CCDC6: variants seen among roughly 807,000 people sequenced by gnomAD.
CCDC6 encodes the protein coiled-coil domain-containing protein 6.
CCDC6 carries 20 observed loss-of-function variants against 56.6 expected under a neutral mutation model. That is an observed-to-expected ratio of 0.35 (90% CI 0.25 to 0.51). The LOEUF (loss-of-function observed/expected upper bound fraction) is 0.51. Ranked by LOEUF, CCDC6 falls within the 20% of genes least tolerant of loss-of-function variation. The pLI is 0.95. For missense variants in CCDC6, 367 were observed against 601.1 expected, an observed-to-expected ratio of 0.61 and a Z score of 4.07; for synonymous variants, 241 against 234.4, an observed-to-expected ratio of 1.03 and a Z score of -0.26.
intron 5 of CCDC6, among the ~76,000 whole-genome samples, chr10:59,809,558 C>T (rs2070655813): frequency 6.6e-6 from 1 of 152,138 alleles, no homozygotes; most frequent in Admixed American, 6.5e-5. Context: ...CTGCCCCCTG[C>T]TGGCACACAG....
At chr10:59,883,445 C>G (rs545442277) in intron 1 of CCDC6, among the ~76,000 whole-genome samples, 26 of 152,314 alleles carry the variant, frequency 1.7e-4, no homozygotes, top group African/African-American at 5.8e-4. Flanking sequence ...ATACAAGAAG[C>G]AATGCTAATA....
chr10:59,846,907 G>A (rs916506501), intron 2 of CCDC6, among the ~76,000 whole-genome samples: 1 of 152,210 alleles, frequency 6.6e-6, no homozygotes, highest in African/African-American at 2.4e-5. Flanking sequence ...AGAGCAGAAA[G>A]CCAAGTTGAT....
At chr10:59,803,800 G>A (rs996705292) in intron 7 of CCDC6, among the ~76,000 whole-genome samples, 17 of 152,340 alleles carry the variant, frequency 1.1e-4, no homozygotes, top group African/African-American at 3.6e-4. Context: ...ACAGAAGTTC[G>A]TTCCCTCTTC....
At chr10:59,875,647 T>C (rs2071272926) in intron 1 of CCDC6, among the ~76,000 whole-genome samples, 1 of 152,214 alleles carries the variant, frequency 6.6e-6, no homozygotes, top group South Asian at 2.1e-4. Flanking sequence ...AATTCTCTAG[T>C]TACAACATGG....
intron 1 of CCDC6, among the ~76,000 whole-genome samples, chr10:59,857,363 G>A (rs1256668045): frequency 1.3e-5 from 2 of 152,192 alleles, no homozygotes; most frequent in Non-Finnish European, 2.9e-5. Flanking sequence ...ACCATGAACT[G>A]AGCACAAATT....
chr10:59,795,471 TTTATTA>T (rs59205170), intron 7 of CCDC6, among the ~76,000 whole-genome samples: 13 of 150,498 alleles, frequency 8.6e-5, no homozygotes, highest in South Asian at 4.2e-4. Context: ...CTTATTCATT[TTTATTA>T]TTATTATTAT....
chr10:59,843,035 G>A (rs577727874), intron 2 of CCDC6, among the ~76,000 whole-genome samples: 5 of 151,768 alleles, frequency 3.3e-5, no homozygotes, highest in Non-Finnish European at 7.4e-5. Context: ...TTACAAGCGT[G>A]AGCCACCACA....
At chr10:59,830,681 G>A (rs192114384) in intron 3 of CCDC6, among the ~76,000 whole-genome samples, 2 of 152,230 alleles carry the variant, frequency 1.3e-5, no homozygotes, top group African/African-American at 2.4e-5. Flanking sequence ...GAGAATATAC[G>A]CTTCAGACTT....
chr10:59,852,815 A>C, intron 1 of CCDC6, 113 bp from the exon 2 acceptor site: 1 of 822,652 alleles, frequency 1.2e-6, no homozygotes, highest in Admixed American at 3.7e-5. Flanking sequence ...TTTTAAATAG[A>C]GCTCTATTTT....
At position 59,873,053 on chromosome 10, in the gene CCDC6, CT is replaced by C. The variant is rs146417180; in HGVS notation, c.304-20352del. Among the ~76,000 whole-genome samples, 752 of 152,234 alleles carry C rather than the reference CT, an allele frequency of 4.9e-3. 8 individuals are homozygous for C. The highest frequency in any genetic ancestry group is 0.036 in the South Asian group (172 of 4,810). ...AGCTTTATCATCAAACTTAGCATGC[CT>C]GTTCACATGTTTTGCTGAGGTGGTT... On this transcript the variant is annotated intron_variant, in intron 1 of 8. Transcript: ENST00000263102.
intron 3 of CCDC6, among the ~76,000 whole-genome samples, chr10:59,820,629 T>G (rs963375720): frequency 3.3e-5 from 5 of 152,040 alleles, no homozygotes; most frequent in African/African-American, 4.8e-5. Flanking sequence ...GTGCTTCCAG[T>G]CCCAGCTACT....
At chr10:59,814,097 A>C (rs763454903) in intron 4 of CCDC6, among the ~76,000 whole-genome samples, 1 of 152,218 alleles carries the variant, frequency 6.6e-6, no homozygotes, top group Non-Finnish European at 1.5e-5. Context: ...ACTATCTTGC[A>C]CAAAGAGGTT....
intron 3 of CCDC6, among the ~76,000 whole-genome samples, chr10:59,827,196 A>G (rs552856727): frequency 6.6e-5 from 10 of 152,214 alleles, no homozygotes; most frequent in Non-Finnish European, 1.5e-4. Context: ...GGCAAGGCAG[A>G]GCACTTTTTT....
intron 2 of CCDC6, among the ~76,000 whole-genome samples, chr10:59,834,752 A>G (rs1433073277): frequency 2.0e-5 from 3 of 152,294 alleles, no homozygotes; most frequent in African/African-American, 4.8e-5. Flanking sequence ...TGACAAGTCT[A>G]TATTTAGCTA....
intron 3 of CCDC6, among the ~76,000 whole-genome samples, chr10:59,820,830 T>C (rs1392945189): frequency 6.6e-6 from 1 of 151,122 alleles, no homozygotes; most frequent in South Asian, 2.1e-4. Flanking sequence ...AACAGCCACA[T>C]TAACCAAACT....
chr10:59,905,056 A>C (rs2071532457), intron 1 of CCDC6, among the ~76,000 whole-genome samples: 1 of 152,194 alleles, frequency 6.6e-6, no homozygotes. Context: ...TGATTTCTTG[A>C]CATCATCTTC....
chr10:59,902,846 C>T (rs565557854), intron 1 of CCDC6, among the ~76,000 whole-genome samples: 5 of 152,224 alleles, frequency 3.3e-5, no homozygotes, highest in African/African-American at 1.2e-4. Context: ...CCCAAATGAA[C>T]TGATATCTTT....
chr10:59,816,643 G>C (rs1177188100), intron 3 of CCDC6, among the ~76,000 whole-genome samples: 1 of 152,142 alleles, frequency 6.6e-6, no homozygotes, highest in East Asian at 1.9e-4. Context: ...TGTAAATCTA[G>C]GTAAACCATT....
Position 59,906,259 on chromosome 10 carries a change from G to A in CCDC6, c.166C>T (p.Leu56=), listed in dbSNP as rs1349073489. ...SGGIVISPFR[L]EELTNRLASL... ...GCCAGGCGGTTGGTGAGCTCCTCCA[G>A]GCGGAACGGCGAGATGACAATGCCC... Residue 56 remains leucine (L), a synonymous_variant, in exon 1 of 9, where the codon CTG becomes TTG. Transcript: ENST00000263102. The A allele has an allele frequency of 6.2e-7, 1 of 1,612,714 alleles. No individual in the cohort carries two copies. Among genetic ancestry groups the A allele is most frequent in the Non-Finnish European group, 8.5e-7 (1 of 1,179,832 alleles).
Sources: allele counts gnomAD v4.1 joint callset (sites outside exome capture counted in the v4.1 genomes callset), GRCh38; gene constraint gnomAD v4.1.1; transcripts MANE v1.5; gene names NCBI Gene and HGNC (gene_info 2026-07-23, HGNC 2026-07-21).